Variants in GOLM1 observed in about 807,000 individuals in gnomAD.
The protein encoded by GOLM1 is golgi membrane protein 1.
A neutral mutation model predicts 50.5 loss-of-function variants in GOLM1; 31 were observed. The ratio of observed to expected loss-of-function variants is 0.61; its 90% CI spans 0.46 to 0.83. GOLM1 has a LOEUF of 0.83. Ranked by LOEUF, GOLM1 falls within the 40% of genes least tolerant of loss-of-function variation. The pLI, the probability that GOLM1 is intolerant of heterozygous loss-of-function variation, is 0.00. For synonymous variants in GOLM1, 178 were observed against 192.8 expected, an observed-to-expected ratio of 0.92 and a Z score of 0.64; for missense variants, 491 against 501.3, an observed-to-expected ratio of 0.98 and a Z score of 0.20.
At chr9:86,062,752 A>G (rs1392900232) in intron 3 of GOLM1, among the ~76,000 whole-genome samples, 1 of 152,062 alleles carries the variant, frequency 6.6e-6, no homozygotes, top group Non-Finnish European at 1.5e-5. Context: ...CTTGCCTCTG[A>G]GAACCTGCTA....
intron 4 of GOLM1, among the ~76,000 whole-genome samples, chr9:86,048,959 G>A (rs1833647870): frequency 6.6e-6 from 1 of 152,204 alleles, no homozygotes; most frequent in Non-Finnish European, 1.5e-5. Context: ...CCATGCCTAT[G>A]TCCTGAATGG....
intron 4 of GOLM1, among the ~76,000 whole-genome samples, chr9:86,048,869 CTTTAG>C (rs1276634915): frequency 6.6e-6 from 1 of 152,152 alleles, no homozygotes; most frequent in African/African-American, 2.4e-5. Flanking sequence ...TGCAGAAGCT[CTTTAG>C]TTTAATTAGA....
rs1033322801 is a variant in GOLM1 at position 86,026,535 on chromosome 9, T to A, written c.*1282A>T. 1 of 897,506 alleles carries A rather than the reference T, an allele frequency of 1.1e-6. No individual in the cohort carries two copies. 55.6% of individuals were successfully genotyped at this position (897,506 alleles called of 1,614,324 possible). A position where few individuals can be genotyped will look rare whatever the true frequency, so the allele number is the denominator to read the frequency against. On this transcript the variant is annotated 3_prime_UTR_variant, in exon 10 of 10. Transcript: ENST00000388712. ...AACTTCTAGGCCCCATTTTCCCCTCTGAAAATAAGAGGGTTGGATCAAACG... is the reference window on the plus strand; with the variant it reads ...AACTTCTAGGCCCCATTTTCCCCTCAGAAAATAAGAGGGTTGGATCAAACG...
chr9:86,088,424 A>G (rs1254861714), intron 1 of GOLM1, among the ~76,000 whole-genome samples: 330 of 32,622 alleles, frequency 0.01, 9 homozygotes, highest in African/African-American at 0.023. Flanking sequence ...AAGGGTGTAT[A>G]TATATATATA....
At chr9:86,088,798 G>C (rs979223661) in intron 1 of GOLM1, among the ~76,000 whole-genome samples, 1 of 151,898 alleles carries the variant, frequency 6.6e-6, no homozygotes, top group Non-Finnish European at 1.5e-5. Context: ...ATTTGATCCT[G>C]TCATTATGAT....
chr9:86,061,016 G>A (rs922992372), intron 3 of GOLM1, among the ~76,000 whole-genome samples: 1 of 151,110 alleles, frequency 6.6e-6, no homozygotes, highest in African/African-American at 2.4e-5. Context: ...TGGTATTGTG[G>A]CTATGAGAGA....
intron 1 of GOLM1, among the ~76,000 whole-genome samples, chr9:86,086,124 C>G (rs1261147992): frequency 6.6e-6 from 1 of 152,200 alleles, no homozygotes; most frequent in East Asian, 1.9e-4. Flanking sequence ...TCCATTCTCT[C>G]CAGCATCTGT....
chr9:86,050,255 G>A (rs1001899106), intron 4 of GOLM1, among the ~76,000 whole-genome samples: 1 of 152,134 alleles, frequency 6.6e-6, no homozygotes, highest in Non-Finnish European at 1.5e-5. Flanking sequence ...ATGTGCTGCT[G>A]GATTTGGTTT....
At chr9:86,063,909 C>A (rs1483045848) in intron 3 of GOLM1, among the ~76,000 whole-genome samples, 1 of 152,262 alleles carries the variant, frequency 6.6e-6, no homozygotes, top group East Asian at 1.9e-4. Flanking sequence ...CATGCCTCGT[C>A]TGGTCAGCCG....
intron 1 of GOLM1, among the ~76,000 whole-genome samples, chr9:86,080,793 T>G (rs1474567543): frequency 1.3e-5 from 2 of 151,414 alleles, no homozygotes; most frequent in Admixed American, 1.3e-4. Context: ...AACCACGTTT[T>G]TCTTTCAATT....
chr9:86,052,654 T>C (rs11141198), intron 3 of GOLM1, 63 bp from the exon 4 acceptor site: 160,365 of 1,411,376 alleles, frequency 0.11, 10,116 homozygotes, highest in Non-Finnish European at 0.13. Context: ...CAGCCAGATG[T>C]GATACAAACC....
At chr9:86,081,595 T>C (rs1018865470) in intron 1 of GOLM1, among the ~76,000 whole-genome samples, 1 of 151,996 alleles carries the variant, frequency 6.6e-6, no homozygotes, top group Admixed American at 6.6e-5. Context: ...CTACACACAG[T>C]AGAGTATAAA....
intron 3 of GOLM1, among the ~76,000 whole-genome samples, chr9:86,076,513 T>C (rs760156933): frequency 6.9e-6 from 1 of 145,046 alleles, no homozygotes; most frequent in Non-Finnish European, 1.5e-5. Flanking sequence ...GGACAGGAGA[T>C]ATTAGTAACT....
At chr9:86,053,159 CACAT>C (rs1833828027) in intron 3 of GOLM1, among the ~76,000 whole-genome samples, 1 of 132,566 alleles carries the variant, frequency 7.5e-6, no homozygotes, top group Non-Finnish European at 1.7e-5. Context: ...CTCCACACCA[CACAT>C]TCACACCAAA....
chr9:86,030,038 T>A (rs923278636), intron 9 of GOLM1, among the ~76,000 whole-genome samples: 1 of 151,868 alleles, frequency 6.6e-6, no homozygotes, highest in Non-Finnish European at 1.5e-5. Context: ...ATGGTGAAAC[T>A]CTGTCTGTAC....
chr9:86,099,670 T>A (rs1019369507), upstream of GOLM1: 2 of 150,742 alleles, frequency 1.3e-5, no homozygotes, highest in Non-Finnish European at 3.0e-5. Flanking sequence ...CCGCGCGGAC[T>A]CCCGGCCCCA....
chr9:86,053,658 C>CCAAACCACACCCCACA (rs1833881619), intron 3 of GOLM1, among the ~76,000 whole-genome samples: 2 of 68,728 alleles, frequency 2.9e-5, no homozygotes, highest in African/African-American at 3.6e-5. Flanking sequence ...CCATGCTACA[C>CCAAACCACACCCCACA]CACTCCACAC....
chr9:86,082,584 G>A (rs1243880236), intron 1 of GOLM1, among the ~76,000 whole-genome samples: 1 of 151,842 alleles, frequency 6.6e-6, no homozygotes, highest in African/African-American at 2.4e-5. Context: ...GGGACTACAG[G>A]TGTGTGCCAC....
At chr9:86,096,557 T>C (rs539561402) in intron 1 of GOLM1, among the ~76,000 whole-genome samples, 1 of 152,166 alleles carries the variant, frequency 6.6e-6, no homozygotes. Context: ...CACTAATAAA[T>C]GCAAACACAG....
Sources: gnomAD v4.1 joint callset for allele counts (sites outside exome capture counted in the v4.1 genomes callset) on GRCh38, gnomAD v4.1.1 for gene constraint, MANE v1.5 for transcripts, NCBI Gene and HGNC (gene_info 2026-07-23, HGNC 2026-07-21) for gene names.